ERC2: variants seen among roughly 807,000 people sequenced by gnomAD.
The protein encoded by ERC2 is ERC protein 2.
A neutral mutation model predicts 114.8 loss-of-function variants in ERC2; 42 were observed. That is an observed-to-expected ratio of 0.37 (90% CI 0.29 to 0.47). The LOEUF is 0.47. Ranked by LOEUF, ERC2 falls within the 20% of genes least tolerant of loss-of-function variation. The pLI, the probability that ERC2 is intolerant of heterozygous loss-of-function variation, is 0.99. For missense variants in ERC2, 939 were observed against 1,150.7 expected (o/e 0.82, Z 2.66); for synonymous variants, 454 against 425.5 (o/e 1.07, Z -0.82).
chr3:55,952,595 T>A (rs1418339303), intron 12 of ERC2, among the ~76,000 whole-genome samples: 1 of 152,170 alleles, frequency 6.6e-6, no homozygotes, highest in Non-Finnish European at 1.5e-5. Flanking sequence ...CAGGATGTTA[T>A]GGAGAGGTCA....
chr3:55,838,227 ACACTC>A (rs2060983843), intron 14 of ERC2, among the ~76,000 whole-genome samples: 1 of 152,132 alleles, frequency 6.6e-6, no homozygotes, highest in Admixed American at 6.5e-5. Flanking sequence ...ACATTTTAGA[ACACTC>A]CACTCAACAA....
intron 10 of ERC2, among the ~76,000 whole-genome samples, chr3:55,997,908 G>GTTTTTTTTTTTTTTTTTTTT (rs1559996794): frequency 1.6e-4 from 3 of 18,372 alleles, no homozygotes; most frequent in South Asian, 2.0e-3. Flanking sequence ...TTTTTTTTTT[G>GTTTTTTTTTTTTTTTTTTTT]TGTGTGTGTG....
chr3:56,125,653 C>A (rs2079824794), intron 6 of ERC2, among the ~76,000 whole-genome samples: 1 of 152,194 alleles, frequency 6.6e-6, no homozygotes, highest in Non-Finnish European at 1.5e-5. Flanking sequence ...GCTTCTAGGT[C>A]TTTTACATCC....
At chr3:55,985,600 C>A (rs1488485729) in intron 12 of ERC2, among the ~76,000 whole-genome samples, 1 of 152,134 alleles carries the variant, frequency 6.6e-6, no homozygotes. Context: ...ATATTTTGTT[C>A]TCCTAGGTTA....
intron 3 of ERC2, among the ~76,000 whole-genome samples, chr3:56,227,881 A>C (rs186573758): frequency 6.6e-6 from 1 of 152,360 alleles, no homozygotes; most frequent in African/African-American, 2.4e-5. Flanking sequence ...CTACATCATC[A>C]ACAGGGGACT....
intron 8 of ERC2, among the ~76,000 whole-genome samples, chr3:56,012,452 C>T (rs2073020592): frequency 6.6e-6 from 1 of 152,158 alleles, no homozygotes; most frequent in Non-Finnish European, 1.5e-5. Context: ...GAGGGCAGCA[C>T]TAAAATCCTA....
intron 13 of ERC2, among the ~76,000 whole-genome samples, chr3:55,903,402 C>T (rs187206947): frequency 2.0e-5 from 3 of 152,258 alleles, no homozygotes; most frequent in Non-Finnish European, 4.4e-5. Context: ...GGATTCCTTG[C>T]TTTTTAAATG....
chr3:55,867,959 A>T (rs944564303), intron 14 of ERC2, among the ~76,000 whole-genome samples: 13 of 152,192 alleles, frequency 8.5e-5, no homozygotes, highest in African/African-American at 3.1e-4. Context: ...AACCTTATTC[A>T]GCCCATTATA....
rs74814956 is a variant in ERC2, at chr3:56,377,181, A to G, written c.657+57170T>C. On this transcript the variant is annotated intron_variant, in intron 2 of 17. Coordinates refer to ENST00000288221, the MANE Select transcript of ERC2 (RefSeq NM_015576.3). ...GTAAGAATTCAGTATATACTTGTCA[A>G]GTGAGTAAAATATACCAGTTTTGTG... Among the ~76,000 whole-genome samples the G allele has an allele frequency of 1.3e-4, 20 of 152,358 alleles. No homozygotes were observed. In the East Asian group the frequency reaches 3.9e-3, roughly 29 times the overall value.
chr3:55,767,486 C>T, intron 14 of ERC2, among the ~76,000 whole-genome samples: 1 of 152,126 alleles, frequency 6.6e-6, no homozygotes, highest in East Asian at 1.9e-4. Flanking sequence ...GGACAGACGC[C>T]CAGCTCCACT....
At chr3:55,805,118 A>T (rs1044357772) in intron 14 of ERC2, among the ~76,000 whole-genome samples, 7 of 152,046 alleles carry the variant, frequency 4.6e-5, no homozygotes, top group Non-Finnish European at 1.0e-4. Context: ...TTTATTGAGT[A>T]CTTACTGCCA....
chr3:56,004,692 T>C (rs1367784063), intron 10 of ERC2, among the ~76,000 whole-genome samples: 1 of 152,030 alleles, frequency 6.6e-6, no homozygotes, highest in Non-Finnish European at 1.5e-5. Flanking sequence ...GTTGTGTAGA[T>C]TTTATAGGAA....
At chr3:56,351,093 T>A (rs1032367295) in intron 2 of ERC2, among the ~76,000 whole-genome samples, 3 of 152,190 alleles carry the variant, frequency 2.0e-5, no homozygotes, top group Non-Finnish European at 2.9e-5. Context: ...AAAAGGATGA[T>A]ACTATTAATG....
chr3:55,925,258 C>G (rs2065680012), intron 13 of ERC2, among the ~76,000 whole-genome samples: 1 of 152,098 alleles, frequency 6.6e-6, no homozygotes, highest in African/African-American at 2.4e-5. Context: ...CAGAGTTATA[C>G]CTTGCATTCA....
intron 2 of ERC2, among the ~76,000 whole-genome samples, chr3:56,338,632 T>C (rs1437140380): frequency 2.0e-5 from 3 of 152,158 alleles, no homozygotes; most frequent in Non-Finnish European, 2.9e-5. Context: ...ACGCCTATAA[T>C]TAGCACAAGC....
intron 17 of ERC2, among the ~76,000 whole-genome samples, chr3:55,647,581 AAG>A (rs563024620): frequency 3.9e-5 from 6 of 152,152 alleles, no homozygotes; most frequent in Admixed American, 6.5e-5. Context: ...AAATTAAAAA[AAG>A]AGAGAGAGAG....
intron 16 of ERC2, among the ~76,000 whole-genome samples, chr3:55,686,691 C>T (rs2062350612): frequency 6.6e-6 from 1 of 152,182 alleles, no homozygotes. Flanking sequence ...TTGAGAAATA[C>T]TTGGCATTTT....
intron 12 of ERC2, among the ~76,000 whole-genome samples, chr3:55,964,861 G>A (rs1023540479): frequency 6.6e-6 from 1 of 152,184 alleles, no homozygotes; most frequent in Non-Finnish European, 1.5e-5. Flanking sequence ...GCTTTTAACT[G>A]GCTATTAGCT....
At chr3:56,333,064 G>T (rs41471946) in intron 2 of ERC2, among the ~76,000 whole-genome samples, 1 of 152,164 alleles carries the variant, frequency 6.6e-6, no homozygotes. Flanking sequence ...TATGCAACAC[G>T]TGGTTACACT....
Sources: gnomAD v4.1 joint callset for allele counts (sites outside exome capture counted in the v4.1 genomes callset) on GRCh38, gnomAD v4.1.1 for gene constraint, MANE v1.5 for transcripts, NCBI Gene and HGNC (gene_info 2026-07-23, HGNC 2026-07-21) for gene names.